TACC2: variants seen among roughly 807,000 people sequenced by gnomAD.
TACC2 encodes transforming acidic coiled-coil containing protein 2.
TACC2 carries 137 observed loss-of-function variants against 227.3 expected under a neutral mutation model. That is an observed-to-expected ratio of 0.60 (90% CI 0.52 to 0.69). The LOEUF (loss-of-function observed/expected upper bound fraction) is 0.69, where lower values mean the gene tolerates loss of function less well. Ranked by LOEUF, TACC2 falls within the 30% of genes least tolerant of loss-of-function variation. The pLI, the probability that TACC2 is intolerant of heterozygous loss-of-function variation, is 0.00. For synonymous variants in TACC2, 1,523 were observed against 1,487.5 expected (o/e 1.02, Z -0.55); for missense variants, 3,470 against 3,694.4 (o/e 0.94, Z 1.57).
rs112887315 is a variant in TACC2 at position 122,026,204 on chromosome 10, T to C, written c.33+4190T>C. 9.9e-3 allele frequency among the ~76,000 whole-genome samples: 1,490 copies of C among 149,894 alleles called. 26 individuals carry two copies. The highest frequency in any genetic ancestry group is 0.033 in the African/African-American group (1,354 of 40,812). ...TTAGCCGGGCATGGTGGGGGGCATC[T>C]GTACTCCCAGCTACTCGGGAGGCTG... On this transcript the variant is annotated intron_variant, in intron 2 of 22. Coordinates refer to ENST00000369005, the MANE Select transcript of TACC2 (RefSeq NM_206862.4).
At chr10:122,110,297 C>T (rs2083439376) in intron 5 of TACC2, among the ~76,000 whole-genome samples, 1 of 152,154 alleles carries the variant, frequency 6.6e-6, no homozygotes, top group African/African-American at 2.4e-5. Flanking sequence ...ATCTTTCCTC[C>T]TCTGTACCAT....
Position 122,210,856 on chromosome 10 carries a change from C to T in TACC2, c.6431C>T (p.Pro2144Leu). 1 of 1,613,124 alleles carries T rather than the reference C, an allele frequency of 6.2e-7. No individual in the cohort carries two copies. Among genetic ancestry groups the T allele is most frequent in the Middle Eastern group, 1.7e-4 (1 of 6,052 alleles). ...AAAAAGAAACAGACCACCAAGAAAC[C>T]CACAGAGACCCCCCCAGTGAAGGAG... is the stretch of plus-strand genomic sequence containing the variant. ...SLKKKQTTKK[P>L]TETPPVKETQ... The change falls in exon 9 of 23, where the codon CCC (proline) becomes CTC (leucine). Residue 2144 changes from proline to leucine, a missense_variant. Around this residue, in one of 10 missense-constraint regions of TACC2, gnomAD observed 593 missense variants for 636.6 expected, o/e 0.93. Transcript: ENST00000369005. This position sits in a 1 kb window ranked among gnomAD's most constrained non-coding sequence, Gnocchi z 4.6.
At chr10:122,096,379 C>T (rs2081397986) in intron 5 of TACC2, among the ~76,000 whole-genome samples, 1 of 152,204 alleles carries the variant, frequency 6.6e-6, no homozygotes, top group South Asian at 2.1e-4. Context: ...GCCCACAAAC[C>T]CCCCGGTGGC....
At chr10:122,184,961 G>T (rs539514149) in intron 7 of TACC2, among the ~76,000 whole-genome samples, 1 of 151,254 alleles carries the variant, frequency 6.6e-6, no homozygotes, top group East Asian at 2.0e-4. Context: ...GGCCAGAGCT[G>T]ACTGCTCTTT....
At chr10:122,169,055 A>G (rs527607529) in intron 7 of TACC2, among the ~76,000 whole-genome samples, 20 of 152,364 alleles carry the variant, frequency 1.3e-4, no homozygotes, top group African/African-American at 4.1e-4. Flanking sequence ...GGTTGGCCAC[A>G]AAGAACTGAC....
intron 7 of TACC2, chr10:122,163,583 C>G (rs1327689333): frequency 1.0e-6 from 1 of 1,000,640 alleles, no homozygotes; most frequent in Non-Finnish European, 1.2e-6. Context: ...CACACAGGAG[C>G]CGGCTGCCGG....
At chr10:122,011,760 G>C (rs745445753) in intron 1 of TACC2, among the ~76,000 whole-genome samples, 3 of 152,172 alleles carry the variant, frequency 2.0e-5, no homozygotes, top group Non-Finnish European at 2.9e-5. Context: ...TCTTATTAAC[G>C]TTGGAACCAA....
At chr10:121,994,422 G>C (rs1369512006) in intron 1 of TACC2, among the ~76,000 whole-genome samples, 1 of 152,332 alleles carries the variant, frequency 6.6e-6, no homozygotes, top group Admixed American at 6.5e-5. Flanking sequence ...GAAGCACAGA[G>C]AGCTGGAGGC....
In TACC2 at chr10:122,083,747, C is replaced by G. The variant is rs2079797694; in HGVS notation, c.1247C>G (p.Ala416Gly). 6.2e-7 allele frequency: 1 copy of G among 1,613,978 alleles called. No individual in the cohort carries two copies. Among genetic ancestry groups the G allele is most frequent in the Non-Finnish European group, 8.5e-7 (1 of 1,180,040 alleles). Residue 416 changes from alanine (A) to glycine (G), a missense_variant, in exon 4 of 23, where the codon GCA becomes GGA. Ala to Gly is a moderately conservative substitution (Grantham distance 60, BLOSUM62 0). This residue lies in a region of TACC2 where 1,924 missense variants were observed against 1,978.3 expected (regional missense o/e 0.97). Transcript: ENST00000369005. ...EPSLLTPTEE[A>G]HPASSLASFP... ...TCCCTGCTCACTCCGACTGAGGAAG[C>G]ACATCCAGCTTCAAGCCTCGCTTCA...
At chr10:122,078,513 CATCT>C (rs1266715873) in intron 3 of TACC2, among the ~76,000 whole-genome samples, 1 of 152,342 alleles carries the variant, frequency 6.6e-6, no homozygotes, top group South Asian at 2.1e-4. Flanking sequence ...GTGCTGTGTA[CATCT>C]GGTCTGTGAT....
At chr10:122,091,923 C>A (rs971012985) in intron 5 of TACC2, among the ~76,000 whole-genome samples, 1 of 152,202 alleles carries the variant, frequency 6.6e-6, no homozygotes, top group Non-Finnish European at 1.5e-5. Context: ...CATACCTAAC[C>A]TCAGTTTGTT....
intron 5 of TACC2, among the ~76,000 whole-genome samples, chr10:122,096,637 A>C (rs112847771): frequency 1.3e-5 from 2 of 149,434 alleles, no homozygotes; most frequent in African/African-American, 4.9e-5. Flanking sequence ...CAGAGGTTGC[A>C]GTGAACTGAG....
At chr10:122,135,114 T>C (rs1191861739) in intron 6 of TACC2, among the ~76,000 whole-genome samples, 3 of 152,106 alleles carry the variant, frequency 2.0e-5, no homozygotes, top group Non-Finnish European at 4.4e-5. Context: ...CTCAGAGACG[T>C]TAACATGCTC....
At chr10:122,090,193 TTTATAAATTAGTA>T (rs2080593479) in intron 5 of TACC2, among the ~76,000 whole-genome samples, 1 of 152,088 alleles carries the variant, frequency 6.6e-6, no homozygotes, top group Admixed American at 6.5e-5. Context: ...AAAATTAAAA[TTTATAAATTAGTA>T]TTATAAATTA....
intron 7 of TACC2, among the ~76,000 whole-genome samples, chr10:122,176,117 C>CTCTCTCTCTCTCTCTATATA (rs1447382017): frequency 3.7e-5 from 2 of 54,644 alleles, no homozygotes; most frequent in Non-Finnish European, 6.9e-5. Context: ...CTCTCTCTCT[C>CTCTCTCTCTCTCTCTATATA]TATATATATA....
rs147280965 is a variant in TACC2, at chr10:122,135,030, G to A, written c.5699+2296G>A. Among the ~76,000 whole-genome samples the A allele has an allele frequency of 8.3e-3, 1,260 of 152,278 alleles. 8 individuals carry two copies. The highest frequency in any genetic ancestry group is 0.013 in the Non-Finnish European group (892 of 68,024). On this transcript the variant is annotated intron_variant, in intron 6 of 22. Transcript: ENST00000369005. ...TGGGTGTGTTTCATCGAGTGTCTCCGTAAATCCTCATGCCAGCTGTAGAAG... is the reference window on the plus strand; with the variant it reads ...TGGGTGTGTTTCATCGAGTGTCTCCATAAATCCTCATGCCAGCTGTAGAAG...
chr10:121,994,092 A>C (rs1953165563), intron 1 of TACC2, among the ~76,000 whole-genome samples: 1 of 152,144 alleles, frequency 6.6e-6, no homozygotes, highest in South Asian at 2.1e-4. Flanking sequence ...GTATGATTGC[A>C]TCTTTAATTC....
Position 122,210,265 on chromosome 10 carries a change from A to G in TACC2, c.5972-132A>G, listed in dbSNP as rs1201970048. 2 of 720,894 alleles carry G rather than the reference A, an allele frequency of 2.8e-6. No individual in the cohort carries two copies. Among genetic ancestry groups the G allele is most frequent in the African/African-American group, 1.8e-5 (1 of 57,010 alleles). 44.7% of individuals were successfully genotyped at this position (720,894 alleles called of 1,614,324 possible). A position where few individuals can be genotyped will look rare whatever the true frequency, so the allele number is the denominator to read the frequency against. ...GGTTCTGTACCCAAGTAGTACACAC[A>G]GTGATGGGCGGGGTGGCCTGGGGCC... On this transcript the variant is annotated intron_variant, in intron 8 of 22. Transcript: ENST00000369005. This position sits in a 1 kb window ranked among gnomAD's most constrained non-coding sequence, Gnocchi z 4.6.
At chr10:122,216,111 G>A (rs2095399934) in intron 10 of TACC2, among the ~76,000 whole-genome samples, 2 of 152,196 alleles carry the variant, frequency 1.3e-5, no homozygotes, top group African/African-American at 4.8e-5. Context: ...GTGGAGGGAA[G>A]CACTCAGCCC....
Sources: gnomAD v4.1 joint callset for allele counts (sites outside exome capture counted in the v4.1 genomes callset) on GRCh38, gnomAD v4.1.1 for gene constraint, gnomAD v4.1.1 regional missense constraint, Gnocchi (gnomAD v3.1) non-coding constraint, MANE v1.5 for transcripts, NCBI Gene and HGNC (gene_info 2026-07-23, HGNC 2026-07-21) for gene names.